Variants in ARHGAP15 observed in about 807,000 individuals in gnomAD.
The protein encoded by ARHGAP15 is rho GTPase-activating protein 15.
Under a neutral mutation model 63.7 loss-of-function variants are expected in ARHGAP15, and 51 were observed. The observed-to-expected ratio is 0.80, with a 90% CI of 0.64 to 1.01. The LOEUF (loss-of-function observed/expected upper bound fraction) is 1.01. Among genes scored for constraint, ARHGAP15 ranks in the 50% least tolerant of loss-of-function variants. The pLI is 0.00. For missense variants in ARHGAP15, 560 were observed against 564.6 expected, an observed-to-expected ratio of 0.99 and a Z score of 0.08; for synonymous variants, 191 against 193.8, an observed-to-expected ratio of 0.99 and a Z score of 0.12.
intron 6 of ARHGAP15, among the ~76,000 whole-genome samples, chr2:143,311,423 T>A (rs1007566309): frequency 6.6e-6 from 1 of 152,088 alleles, no homozygotes; most frequent in Non-Finnish European, 1.5e-5. Context: ...TCATTATGGA[T>A]GATTCATGAG....
chr2:143,397,993 A>G (rs1433822038), intron 6 of ARHGAP15, among the ~76,000 whole-genome samples: 4 of 152,104 alleles, frequency 2.6e-5, no homozygotes, highest in African/African-American at 7.2e-5. Context: ...TCTGCCTTGA[A>G]ATGTTTTCTT....
At chr2:143,716,612 A>AGAAATTT (rs1464557720) in intron 13 of ARHGAP15, among the ~76,000 whole-genome samples, 1 of 152,226 alleles carries the variant, frequency 6.6e-6, no homozygotes, top group Non-Finnish European at 1.5e-5. Flanking sequence ...AAGTGTATAA[A>AGAAATTT]GAAATTTGGT....
At chr2:143,279,997 A>G (rs530272838) in intron 6 of ARHGAP15, among the ~76,000 whole-genome samples, 91 of 152,328 alleles carry the variant, frequency 6.0e-4, no homozygotes, top group South Asian at 3.3e-3. Context: ...GGGAACAGCC[A>G]GGTTGACTTC....
At chr2:143,462,227 A>G (rs542746683) in intron 8 of ARHGAP15, among the ~76,000 whole-genome samples, 1 of 152,320 alleles carries the variant, frequency 6.6e-6, no homozygotes, top group South Asian at 2.1e-4. Flanking sequence ...AAGTAAATAA[A>G]GTAAACTATA....
intron 9 of ARHGAP15, among the ~76,000 whole-genome samples, chr2:143,510,493 T>A (rs1693537709): frequency 6.6e-6 from 1 of 152,194 alleles, no homozygotes; most frequent in Non-Finnish European, 1.5e-5. Context: ...TAGAAGACAG[T>A]CGCTTTTTCT....
intron 6 of ARHGAP15, among the ~76,000 whole-genome samples, chr2:143,355,345 A>G (rs1157052107): frequency 1.3e-5 from 2 of 152,216 alleles, no homozygotes; most frequent in African/African-American, 2.4e-5. Context: ...CTAGACAAAG[A>G]ATAGAAAAAT....
intron 2 of ARHGAP15, among the ~76,000 whole-genome samples, chr2:143,201,023 A>G (rs1370730654): frequency 3.3e-5 from 5 of 152,126 alleles, no homozygotes; most frequent in African/African-American, 1.2e-4. Flanking sequence ...TTTCTACCCC[A>G]CGATATATTT....
intron 6 of ARHGAP15, among the ~76,000 whole-genome samples, chr2:143,374,147 AG>A (rs1275373868): frequency 6.6e-6 from 1 of 152,202 alleles, no homozygotes; most frequent in Non-Finnish European, 1.5e-5. Context: ...AGTGGATGAA[AG>A]CCATTATAAT....
At chr2:143,740,433 G>T (rs748223998) in intron 13 of ARHGAP15, among the ~76,000 whole-genome samples, 9 of 152,154 alleles carry the variant, frequency 5.9e-5, no homozygotes, top group Non-Finnish European at 1.2e-4. Context: ...CATTACACAT[G>T]CAAAATATTT....
intron 6 of ARHGAP15, among the ~76,000 whole-genome samples, chr2:143,355,856 A>T (rs1048217242): frequency 1.3e-5 from 2 of 152,202 alleles, no homozygotes; most frequent in African/African-American, 4.8e-5. Flanking sequence ...AAATTAAAGG[A>T]TGAAGAAGAG....
chr2:143,581,060 T>A (rs1412349122), intron 11 of ARHGAP15, among the ~76,000 whole-genome samples: 1 of 152,158 alleles, frequency 6.6e-6, no homozygotes, highest in Non-Finnish European at 1.5e-5. Flanking sequence ...CTAAAGGAAC[T>A]GAGGTAGAAT....
chr2:143,165,231 A>G (rs1300395804), intron 2 of ARHGAP15, among the ~76,000 whole-genome samples: 1 of 152,054 alleles, frequency 6.6e-6, no homozygotes, highest in African/African-American at 2.4e-5. Context: ...CAAAGTACTG[A>G]TCTCTTTTTA....
At chr2:143,759,435 A>G (rs1330554236) in intron 13 of ARHGAP15, among the ~76,000 whole-genome samples, 1 of 152,174 alleles carries the variant, frequency 6.6e-6, no homozygotes, top group Non-Finnish European at 1.5e-5. Context: ...AGAATTATAT[A>G]AAGTGCATTT....
At chr2:143,470,847 C>G (rs1299247962) in intron 8 of ARHGAP15, among the ~76,000 whole-genome samples, 4 of 149,212 alleles carry the variant, frequency 2.7e-5, no homozygotes, top group Non-Finnish European at 3.0e-5. Context: ...TATATATACA[C>G]ACACACGTAT....
intron 10 of ARHGAP15, among the ~76,000 whole-genome samples, chr2:143,552,569 G>T (rs1039562346): frequency 2.5e-5 from 2 of 79,860 alleles, no homozygotes; most frequent in Non-Finnish European, 5.0e-5. Context: ...AAGTCGGGGT[G>T]GGGAGGCAGG....
At chr2:143,428,971 C>G (rs556391895) in intron 6 of ARHGAP15, among the ~76,000 whole-genome samples, 1 of 151,990 alleles carries the variant, frequency 6.6e-6, no homozygotes, top group South Asian at 2.1e-4. Context: ...TACACCCCCC[C>G]AGTTTAAAAA....
At chr2:143,450,939 C>T (rs1690376975) in intron 8 of ARHGAP15, among the ~76,000 whole-genome samples, 1 of 151,856 alleles carries the variant, frequency 6.6e-6, no homozygotes, top group Admixed American at 6.6e-5. Context: ...GGGCTAATCC[C>T]CTTTCATAAA....
chr2:143,354,677 A>G (rs903291817), intron 6 of ARHGAP15, among the ~76,000 whole-genome samples: 8 of 152,218 alleles, frequency 5.3e-5, no homozygotes, highest in Non-Finnish European at 1.0e-4. Context: ...CGTAGCTTGA[A>G]TAATATATTA....
chr2:143,558,890 C>G (rs899907984), intron 11 of ARHGAP15, among the ~76,000 whole-genome samples: 1 of 152,164 alleles, frequency 6.6e-6, no homozygotes. Flanking sequence ...AACTGAGAAT[C>G]TCTACAGCTC....
Sources: gnomAD v4.1 joint callset for allele counts (sites outside exome capture counted in the v4.1 genomes callset) on GRCh38, gnomAD v4.1.1 for gene constraint, MANE v1.5 for transcripts, NCBI Gene and HGNC (gene_info 2026-07-23, HGNC 2026-07-21) for gene names.